The following HRK variants were observed in gnomAD, a reference collection of about 807,000 sequenced individuals.
HRK encodes activator of apoptosis harakiri.
In HRK, 6 loss-of-function variants were observed where a neutral mutation model predicts 5.9. The observed-to-expected ratio is 1.02, with a 90% CI of 0.56 to 2.01. The LOEUF (loss-of-function observed/expected upper bound fraction) is 2.01, where lower values mean the gene tolerates loss of function less well. Among genes scored for constraint, HRK ranks in the 30% most tolerant of loss-of-function variants. HRK has a pLI of 0.00. For missense variants in HRK, 133 were observed against 128.3 expected (o/e 1.04, Z -0.18); for synonymous variants, 85 against 65.1 (o/e 1.31, Z -1.47).
intron 1 of HRK, among the ~76,000 whole-genome samples, chr12:116,871,075 C>T (rs1217020060): frequency 1.3e-5 from 2 of 150,298 alleles, no homozygotes; most frequent in East Asian, 2.0e-4. Context: ...CGCGCCACCA[C>T]GCCCAGCTAA....
chr12:116,877,178 G>A (rs2137254393), intron 1 of HRK, among the ~76,000 whole-genome samples: 1 of 151,878 alleles, frequency 6.6e-6, no homozygotes, highest in African/African-American at 2.4e-5. Context: ...AGCCTCCTGA[G>A]TACCTGAGAC....
At chr12:116,870,850 G>C (rs1878719522) in intron 1 of HRK, among the ~76,000 whole-genome samples, 1 of 152,186 alleles carries the variant, frequency 6.6e-6, no homozygotes, top group Non-Finnish European at 1.5e-5. Context: ...GCCAACGGCA[G>C]TGTTTCCAGA....
At chr12:116,874,290 G>A (rs983882757) in intron 1 of HRK, among the ~76,000 whole-genome samples, 1 of 152,036 alleles carries the variant, frequency 6.6e-6, no homozygotes, top group Non-Finnish European at 1.5e-5. Flanking sequence ...TCTTACCTCC[G>A]GGCCACTGGA....
rs1879021598 is a variant in HRK, at chr12:116,878,561, T to G, written c.*56+2415A>C. 3.3e-5 allele frequency: 5 copies of G among 152,428 alleles called. No homozygotes were observed. Among genetic ancestry groups the G allele is most frequent in the Admixed American group, 3.3e-4 (5 of 15,298 alleles). The allele number at this position is 152,428 out of a possible 1,614,324, so 9.4% of individuals were successfully genotyped here. ...AGATGTAGGCTGCAGGGAGAGAACT[T>G]GATCAGGGCCAGTGCAGGGAGCCCG... On this transcript the variant is annotated intron_variant, in intron 1 of 1. Transcript: ENST00000257572. This position sits in a 1 kb window ranked among gnomAD's most constrained non-coding sequence, Gnocchi z 4.4.
chr12:116,880,979 T>G lies in HRK; in HGVS notation c.*53A>C. ...TCTCGCTCGCTCGCTCGCGTACCTG[T>G]TGCTCGCTCCGGCTGGGTCTCGGCT... On this transcript the variant is annotated 3_prime_UTR_variant, in exon 1 of 2. Transcript: ENST00000257572. 7.4e-6 allele frequency: 9 copies of G among 1,216,642 alleles called. No homozygotes were observed. The highest frequency in any genetic ancestry group is 8.3e-6 in the Non-Finnish European group (8 of 958,164). 75.4% of individuals were successfully genotyped at this position (1,216,642 alleles called of 1,614,324 possible).
intron 1 of HRK, among the ~76,000 whole-genome samples, chr12:116,867,100 G>A (rs1405287385): frequency 6.9e-6 from 1 of 144,770 alleles, no homozygotes; most frequent in Non-Finnish European, 1.5e-5. Flanking sequence ...GACCAGCCTG[G>A]GCCACATAAT....
chr12:116,877,239 A>G (rs1180888102), intron 1 of HRK, among the ~76,000 whole-genome samples: 1 of 144,814 alleles, frequency 6.9e-6, no homozygotes, highest in African/African-American at 2.7e-5. Context: ...TTTTTTTGGT[A>G]CAGACAAGGT....
chr12:116,870,620 C>T (rs115534967), intron 1 of HRK, among the ~76,000 whole-genome samples: 4 of 152,242 alleles, frequency 2.6e-5, no homozygotes, highest in African/African-American at 9.6e-5. Context: ...CCAGACCAGA[C>T]TGGGCAACAT....
intron 1 of HRK, 117 bp downstream of exon 1, chr12:116,880,859 G>A: frequency 2.7e-6 from 1 of 364,966 alleles, no homozygotes; most frequent in Non-Finnish European, 4.8e-6. Flanking sequence ...GAGAACGGAG[G>A]AAGAAGGAGA....
At chr12:116,864,116 A>G (rs1878456428) in intron 1 of HRK, among the ~76,000 whole-genome samples, 1 of 152,198 alleles carries the variant, frequency 6.6e-6, no homozygotes, top group Admixed American at 6.5e-5. Context: ...CAATTGATAA[A>G]TACATTCTAA....
At chr12:116,875,236 T>C (rs759280913) in intron 1 of HRK, among the ~76,000 whole-genome samples, 113 of 152,182 alleles carry the variant, frequency 7.4e-4, no homozygotes, top group Non-Finnish European at 1.3e-3. Flanking sequence ...GATTTTGGGA[T>C]CCAAAGTGGG....
chr12:116,864,383 G>A (rs2137244609), intron 1 of HRK, among the ~76,000 whole-genome samples: 1 of 152,194 alleles, frequency 6.6e-6, no homozygotes, highest in East Asian at 1.9e-4. Context: ...TTTGCCTCCA[G>A]GCTTACTGGA....
chr12:116,880,957 C>T lies in HRK; in HGVS notation c.*56+19G>A, dbSNP rs1565886546. ...TGCCCAGCTGCCGCGCCCCGGCTCTCGCTCGCTCGCTCGCGTACCTGTTGC... is the reference window on the plus strand; with the variant it reads ...TGCCCAGCTGCCGCGCCCCGGCTCTTGCTCGCTCGCTCGCGTACCTGTTGC... On this transcript the variant is annotated intron_variant, in intron 1 of 1. Transcript: ENST00000257572. 9.1e-7 allele frequency: 1 copy of T among 1,103,596 alleles called. No individual in the cohort carries two copies. Among genetic ancestry groups the T allele is most frequent in the Non-Finnish European group, 1.2e-6 (1 of 868,050 alleles). The allele number at this position is 1,103,596 out of a possible 1,614,324, so 68.4% of individuals were successfully genotyped here.
chr12:116,872,620 C>T (rs1230546674), intron 1 of HRK, among the ~76,000 whole-genome samples: 1 of 151,454 alleles, frequency 6.6e-6, no homozygotes, highest in African/African-American at 2.4e-5. Context: ...ACAAAAAATA[C>T]AAAAATTAGC....
At chr12:116,875,086 A>T (rs1878883151) in intron 1 of HRK, among the ~76,000 whole-genome samples, 1 of 152,224 alleles carries the variant, frequency 6.6e-6, no homozygotes, top group African/African-American at 2.4e-5. Flanking sequence ...AACACACATA[A>T]AAACAATACA....
chr12:116,872,847 A>AAGGAAGAG (rs1878803910), intron 1 of HRK, among the ~76,000 whole-genome samples: 1 of 143,530 alleles, frequency 7.0e-6, no homozygotes, highest in South Asian at 2.6e-4. Flanking sequence ...GGAAGGAAGG[A>AAGGAAGAG]AGGAAGAGAG....
At chr12:116,865,687 C>T (rs1878517580) in intron 1 of HRK, among the ~76,000 whole-genome samples, 1 of 152,222 alleles carries the variant, frequency 6.6e-6, no homozygotes, top group Non-Finnish European at 1.5e-5. Context: ...CCAGAGGCAG[C>T]CAGTATTACC....
Position 116,862,221 on chromosome 12 carries a change from C to T in HRK, c.*57-755G>A, listed in dbSNP as rs967509232. 2.6e-5 allele frequency among the ~76,000 whole-genome samples: 4 copies of T among 152,174 alleles called. No individual in the cohort carries two copies. The highest frequency in any genetic ancestry group is 6.5e-5 in the Admixed American group (1 of 15,272). ...GGCATCCTAGGCAGGGCAGAAAAAA[C>T]AGCCCATACCCAGGAGCATCCACCA... On this transcript the variant is annotated intron_variant, in intron 1 of 1. Transcript: ENST00000257572. This position sits in a 1 kb window ranked among gnomAD's most constrained non-coding sequence, Gnocchi z 4.0.
At chr12:116,866,536 C>T (rs1481921375) in intron 1 of HRK, among the ~76,000 whole-genome samples, 1 of 152,032 alleles carries the variant, frequency 6.6e-6, no homozygotes, top group Admixed American at 6.6e-5. Context: ...GCACAGGAGA[C>T]TGTGGAAAGG....
Sources: gnomAD v4.1 joint callset for allele counts (sites outside exome capture counted in the v4.1 genomes callset) on GRCh38, gnomAD v4.1.1 for gene constraint, Gnocchi (gnomAD v3.1) non-coding constraint, MANE v1.5 for transcripts, NCBI Gene and HGNC (gene_info 2026-07-23, HGNC 2026-07-21) for gene names.